MACROD2: variants seen among roughly 807,000 people sequenced by gnomAD.
The protein encoded by MACROD2 is mono-ADP ribosylhydrolase 2, also known as ADP-ribose glycohydrolase MACROD2.
MACROD2 carries 36 observed loss-of-function variants against 70.4 expected under a neutral mutation model. That is an observed-to-expected ratio of 0.51 (90% CI 0.39 to 0.68). The LOEUF is 0.68. Among genes scored for constraint, MACROD2 ranks in the 30% least tolerant of loss-of-function variants. MACROD2 has a pLI of 0.00. For missense variants in MACROD2, 496 were observed against 538.4 expected (o/e 0.92, Z 0.78); for synonymous variants, 172 against 178.8 (o/e 0.96, Z 0.30).
intron 3 of MACROD2, among the ~76,000 whole-genome samples, chr20:14,321,104 C>A (rs1434285545): frequency 6.6e-6 from 1 of 152,060 alleles, no homozygotes; most frequent in Non-Finnish European, 1.5e-5. Flanking sequence ...GTGGCTCACG[C>A]TTGTAATCCC....
chr20:15,539,699 G>T (rs6043351), intron 8 of MACROD2, among the ~76,000 whole-genome samples: 8 of 152,040 alleles, frequency 5.3e-5, no homozygotes, highest in Non-Finnish European at 8.8e-5. Flanking sequence ...TACTTAGAAG[G>T]TTCTTGAGCC....
intron 8 of MACROD2, among the ~76,000 whole-genome samples, chr20:15,727,548 C>T (rs572542983): frequency 5.9e-5 from 9 of 151,974 alleles, no homozygotes; most frequent in South Asian, 4.2e-4. Context: ...GTTTTAACAA[C>T]GTTGCTTCTT....
intron 6 of MACROD2, among the ~76,000 whole-genome samples, chr20:15,400,324 G>C (rs1170767295): frequency 2.0e-5 from 3 of 152,186 alleles, no homozygotes; most frequent in African/African-American, 7.2e-5. Flanking sequence ...CTCTTCCTTA[G>C]TGTGGCTCAG....
At chr20:14,713,163 G>T (rs1461506812) in intron 5 of MACROD2, among the ~76,000 whole-genome samples, 2 of 152,138 alleles carry the variant, frequency 1.3e-5, no homozygotes, top group African/African-American at 4.8e-5. Context: ...ATGTGCCTTA[G>T]AGTAGAGGTA....
At chr20:14,112,626 ACT>A (rs1032625726) in intron 3 of MACROD2, among the ~76,000 whole-genome samples, 1 of 151,930 alleles carries the variant, frequency 6.6e-6, no homozygotes, top group African/African-American at 2.4e-5. Flanking sequence ...ATTATTTTTT[ACT>A]TTTTTATTTG....
intron 5 of MACROD2, among the ~76,000 whole-genome samples, chr20:15,215,602 G>GA (rs2076803686): frequency 6.6e-6 from 1 of 151,856 alleles, no homozygotes; most frequent in Non-Finnish European, 1.5e-5. Context: ...TAAGTTATCA[G>GA]AAAAAAGTGT....
chr20:14,684,915 C>T lies in MACROD2; in HGVS notation c.374C>T (p.Thr125Ile). 6.2e-7 allele frequency: 1 copy of T among 1,614,048 alleles called. No individual in the cohort carries two copies. The highest frequency in any genetic ancestry group is 8.5e-7 in the Non-Finnish European group (1 of 1,179,960). Residue 125 changes from threonine (T) to isoleucine (I), a missense_variant, in exon 5 of 18, where the codon ACT (threonine) becomes ATT (isoleucine). Transcript: ENST00000684519. ...TGTCGTAACCTGAATGGCTGTGATA[C>T]TGGACATGCAAAAATCACATGTGGC... ...AECRNLNGCD[T>I]GHAKITCGYD...
intron 4 of MACROD2, among the ~76,000 whole-genome samples, chr20:14,546,380 G>A (rs138015491): frequency 6.6e-6 from 1 of 152,050 alleles, no homozygotes; most frequent in Non-Finnish European, 1.5e-5. Context: ...GAAATATTTT[G>A]CAAATCTGCT....
chr20:14,515,473 A>ACACGCGCGCG (rs1555798360), intron 4 of MACROD2, among the ~76,000 whole-genome samples: 2 of 67,548 alleles, frequency 3.0e-5, no homozygotes, highest in African/African-American at 1.4e-4. Context: ...ACGCACACAC[A>ACACGCGCGCG]CACACACACA....
At chr20:14,168,861 A>G (rs2081194014) in intron 3 of MACROD2, among the ~76,000 whole-genome samples, 1 of 152,236 alleles carries the variant, frequency 6.6e-6, no homozygotes, top group Admixed American at 6.5e-5. Context: ...CTGTAAAGCC[A>G]GTGTCTCCCT....
intron 5 of MACROD2, among the ~76,000 whole-genome samples, chr20:15,174,881 G>T (rs1405803836): frequency 6.6e-6 from 1 of 152,002 alleles, no homozygotes; most frequent in East Asian, 1.9e-4. Context: ...ATTTGTTTGA[G>T]TTCATTGTAG....
intron 5 of MACROD2, among the ~76,000 whole-genome samples, chr20:14,814,921 TTGAATGAA>T (rs71190149): frequency 1.5e-4 from 23 of 150,912 alleles, no homozygotes; most frequent in South Asian, 8.4e-4. Context: ...TGAACATTTA[TTGAATGAA>T]TGAATGAATG....
At chr20:15,076,473 T>C (rs1301889104) in intron 5 of MACROD2, among the ~76,000 whole-genome samples, 2 of 152,152 alleles carry the variant, frequency 1.3e-5, no homozygotes, top group Non-Finnish European at 1.5e-5. Context: ...GCTTGTCACA[T>C]TTTATACTTA....
intron 6 of MACROD2, among the ~76,000 whole-genome samples, chr20:15,410,422 T>A (rs2046061098): frequency 1.3e-5 from 2 of 152,338 alleles, no homozygotes; most frequent in Middle Eastern, 3.4e-3. Flanking sequence ...TTGATGAATA[T>A]CATCTCTCAT....
intron 6 of MACROD2, among the ~76,000 whole-genome samples, chr20:15,254,954 T>TC (rs1416528677): frequency 2.4e-4 from 30 of 126,714 alleles, no homozygotes; most frequent in African/African-American, 7.7e-4. Context: ...TTTTTTTTTT[T>TC]CAGTTAAGAA....
At chr20:14,598,206 A>G (rs1007351774) in intron 4 of MACROD2, among the ~76,000 whole-genome samples, 1 of 152,200 alleles carries the variant, frequency 6.6e-6, no homozygotes, top group Non-Finnish European at 1.5e-5. Flanking sequence ...CTTCCTGCTT[A>G]AGACCATTTT....
chr20:14,570,752 G>A (rs1274157782), intron 4 of MACROD2, among the ~76,000 whole-genome samples: 1 of 151,946 alleles, frequency 6.6e-6, no homozygotes, highest in Non-Finnish European at 1.5e-5. Context: ...TTACTCCCTG[G>A]TCCTTCTGTG....
At chr20:15,123,860 A>G (rs1355828139) in intron 5 of MACROD2, among the ~76,000 whole-genome samples, 1 of 152,180 alleles carries the variant, frequency 6.6e-6, no homozygotes, top group Non-Finnish European at 1.5e-5. Flanking sequence ...ATACAAATGT[A>G]TATGTGTGTG....
At chr20:14,740,628 A>G (rs2071721658) in intron 5 of MACROD2, among the ~76,000 whole-genome samples, 1 of 152,206 alleles carries the variant, frequency 6.6e-6, no homozygotes, top group Non-Finnish European at 1.5e-5. Context: ...TTACACTGAA[A>G]GCAAGCTTAT....
Sources: gnomAD v4.1 joint callset for allele counts (sites outside exome capture counted in the v4.1 genomes callset) on GRCh38, gnomAD v4.1.1 for gene constraint, MANE v1.5 for transcripts, NCBI Gene and HGNC (gene_info 2026-07-23, HGNC 2026-07-21) for gene names.